Variants in ZNF493 observed in about 807,000 individuals in gnomAD.
ZNF493 encodes the protein zinc finger protein 493.
In ZNF493, 11 loss-of-function variants were observed where a neutral mutation model predicts 12.2. The ratio of observed to expected loss-of-function variants is 0.90; its 90% CI spans 0.57 to 1.50. ZNF493 has a LOEUF of 1.50. Among genes scored for constraint, ZNF493 ranks in the 40% most tolerant of loss-of-function variants. The pLI is 0.00. For synonymous variants in ZNF493, 286 were observed against 302.6 expected (o/e 0.95, Z 0.57); for missense variants, 950 against 906.6 (o/e 1.05, Z -0.61).
chr19:21,419,934 G>T (rs189218012), intron 3 of ZNF493, among the ~76,000 whole-genome samples: 1 of 152,104 alleles, frequency 6.6e-6, no homozygotes, highest in African/African-American at 2.4e-5. Context: ...ACCCCCACAT[G>T]ATTCTGACCC....
chr19:21,408,749 C>A (rs1034003510), intron 3 of ZNF493: 1 of 984,652 alleles, frequency 1.0e-6, no homozygotes, highest in East Asian at 1.1e-4. Context: ...TGTCTGTATA[C>A]TTTATGTCAA....
In ZNF493 at chr19:21,410,912, C is replaced by A. The variant is rs531311673; in HGVS notation, c.253+5056C>A. ...AGTTCAAGCAGTTCTCCTCCCTCAG[C>A]CTCCCAAGTAGCTGGGATTACAGGC... On this transcript the variant is annotated intron_variant, in intron 3 of 3. Coordinates refer to ENST00000392288, the MANE Select transcript of ZNF493 (RefSeq NM_001076678.3). 1.2e-4 allele frequency among the ~76,000 whole-genome samples: 18 copies of A among 152,210 alleles called. No homozygotes were observed. In the East Asian group the frequency reaches 3.5e-3, roughly 29 times the overall value.
chr19:21,424,615 T>G lies in ZNF493; in HGVS notation c.1956T>G (p.Ser652Arg), dbSNP rs757468089. 1.1e-5 allele frequency: 18 copies of G among 1,607,690 alleles called. No homozygotes were observed. The highest frequency in any genetic ancestry group is 1.7e-5 in the Admixed American group (1 of 59,182). Residue 652 changes from serine to arginine, a missense_variant, in exon 4 of 4, where the codon AGT becomes AGG. Coordinates refer to ENST00000392288, the MANE Select transcript of ZNF493 (RefSeq NM_001076678.3). The stretch of plus-strand genomic sequence containing the variant: ...TCGCTGGGCACAAGCAAATTCATAG[T>G]GTACAAAAACCCTACAAATGTGAAG... ...SHLAGHKQIHSVQKPYKCEEC... is the reference protein window; with the variant it reads ...SHLAGHKQIHRVQKPYKCEEC...
chr19:21,422,797 G>A, intron 3 of ZNF493, 116 bp from the exon 4 acceptor site: 2 of 857,146 alleles, frequency 2.3e-6, no homozygotes, highest in Admixed American at 6.7e-5. Context: ...AGAGCCTTTG[G>A]TATTTTGCTA....
chr19:21,420,615 ATATATATATTTTTTTTTTTTTT>A (rs2030638284), intron 3 of ZNF493, among the ~76,000 whole-genome samples: 1 of 13,388 alleles, frequency 7.5e-5, no homozygotes, highest in African/African-American at 3.9e-4. Flanking sequence ...ATATATATAT[ATATATATATTTTTTTTTTTTTT>A]TTTTTTTTTT....
At chr19:21,422,643 C>T (rs1322847106) in intron 3 of ZNF493, among the ~76,000 whole-genome samples, 1 of 151,718 alleles carries the variant, frequency 6.6e-6, no homozygotes, top group Non-Finnish European at 1.5e-5. Context: ...GCAGGAATAG[C>T]CATGTTGGGT....
At chr19:21,420,588 TGA>T (rs2030627468) in intron 3 of ZNF493, among the ~76,000 whole-genome samples, 11 of 77,672 alleles carry the variant, frequency 1.4e-4, no homozygotes, top group African/African-American at 6.3e-4. Context: ...TATACTCACT[TGA>T]TTATATATAT....
intron 3 of ZNF493, chr19:21,407,962 G>C (rs564958652): frequency 1.0e-6 from 1 of 985,220 alleles, no homozygotes; most frequent in East Asian, 1.1e-4. Context: ...AGGAGGTAAA[G>C]ATCTTCTTTT....
chr19:21,411,438 G>T (rs2030323211), intron 3 of ZNF493, among the ~76,000 whole-genome samples: 1 of 152,100 alleles, frequency 6.6e-6, no homozygotes, highest in Non-Finnish European at 1.5e-5. Flanking sequence ...ATGTTAAGCA[G>T]GTTGGGTGCG....
In ZNF493 at chr19:21,423,645, C is replaced by G. The variant is rs1207850742; in HGVS notation, c.986C>G (p.Ala329Gly). The G allele has an allele frequency of 5.0e-6, 8 of 1,610,744 alleles. No individual in the cohort carries two copies. The African/African-American group carries it at 9.6e-5, about 19-fold the overall frequency. The change falls in exon 4 of 4, where the codon GCC becomes GGC. Residue 329 changes from alanine to glycine, a missense_variant. Transcript: ENST00000392288. Reference sequence around the variant, plus strand: ...TATAAATGTGAAGAATGTGGCAAAGCCTTTAGTATTTTCTCAACCCCTACT... The same window carrying G: ...TATAAATGTGAAGAATGTGGCAAAGGCTTTAGTATTTTCTCAACCCCTACT... ...KPYKCEECGKAFSIFSTPTKH... is the reference protein window; with the variant it reads ...KPYKCEECGKGFSIFSTPTKH...
chr19:21,400,952 CTCTT>C (rs2029921080), intron 1 of ZNF493, among the ~76,000 whole-genome samples: 1 of 152,208 alleles, frequency 6.6e-6, no homozygotes, highest in East Asian at 1.9e-4. Flanking sequence ...TTATTTCTCT[CTCTT>C]CCCTGATTGT....
At chr19:21,401,573 G>T (rs1429402793) in intron 1 of ZNF493, among the ~76,000 whole-genome samples, 1 of 151,724 alleles carries the variant, frequency 6.6e-6, no homozygotes, top group Non-Finnish European at 1.5e-5. Flanking sequence ...CTGTAAATTT[G>T]TGTGGTTCTT....
At chr19:21,409,703 C>G (rs917622599) in intron 3 of ZNF493, among the ~76,000 whole-genome samples, 9 of 152,106 alleles carry the variant, frequency 5.9e-5, no homozygotes, top group Admixed American at 5.9e-4. Flanking sequence ...CTTAATTGTG[C>G]CACTTCATGT....
At chr19:21,416,881 C>A (rs1453859194) in intron 3 of ZNF493, among the ~76,000 whole-genome samples, 1 of 152,188 alleles carries the variant, frequency 6.6e-6, no homozygotes, top group Non-Finnish European at 1.5e-5. Flanking sequence ...CTAGAGCTAA[C>A]TCCTATTGTC....
At chr19:21,405,457 C>A (rs571494013) in intron 2 of ZNF493, 3 of 1,395,500 alleles carry the variant, frequency 2.1e-6, no homozygotes, top group East Asian at 2.7e-5. Context: ...CATTTCTGAG[C>A]CGGTCTGTAT....
chr19:21,420,754 T>A (rs1439176763), intron 3 of ZNF493, among the ~76,000 whole-genome samples: 5 of 14,910 alleles, frequency 3.4e-4, no homozygotes, highest in East Asian at 3.4e-3. Flanking sequence ...AAATAACACT[T>A]TTTTTTTTTT....
rs150105500 is a variant in ZNF493, at chr19:21,423,871, C to A, written c.1212C>A (p.Ser404=). 2 of 1,613,134 alleles carry A rather than the reference C, an allele frequency of 1.2e-6. No individual in the cohort carries two copies. The highest frequency in any genetic ancestry group is 1.7e-5 in the Admixed American group (1 of 59,948). ...KHKIIHTEEK[S]HRCEECGKAY... ...AGATAATTCACACTGAAGAGAAATC[C>A]CACAGATGTGAAGAATGTGGCAAAG... Residue 404 remains serine, a synonymous_variant, in exon 4 of 4, where the codon TCC becomes TCA. Coordinates refer to ENST00000392288, the MANE Select transcript of ZNF493 (RefSeq NM_001076678.3).
intron 3 of ZNF493, among the ~76,000 whole-genome samples, chr19:21,409,039 C>G (rs1362231361): frequency 6.6e-6 from 1 of 151,830 alleles, no homozygotes; most frequent in Non-Finnish European, 1.5e-5. Flanking sequence ...CGCCTGCAAC[C>G]ACGCCTGGCT....
At position 21,424,100 on chromosome 19, in the gene ZNF493, A is replaced by T. The variant is rs1285496526; in HGVS notation, c.1441A>T (p.Ile481Leu). The T allele has an allele frequency of 1.1e-5, 17 of 1,612,716 alleles. No individual in the cohort carries two copies. Among genetic ancestry groups the T allele is most frequent in the African/African-American group, 4.0e-5 (3 of 74,918 alleles). The change falls in exon 4 of 4, where the codon ATA (isoleucine) becomes TTA (leucine). Residue 481 changes from isoleucine to leucine, a missense_variant. By Grantham distance (5) the Ile-to-Leu change is conservative. Coordinates refer to ENST00000392288, the MANE Select transcript of ZNF493 (RefSeq NM_001076678.3). ...KRSSTLTKHR[I>L]IHTEEKPYKC... ...ATCTTCAACCCTTACTAAACATAGG[A>T]TAATTCATACTGAAGAGAAACCCTA...
Sources: gnomAD v4.1 joint callset for allele counts (sites outside exome capture counted in the v4.1 genomes callset) on GRCh38, gnomAD v4.1.1 for gene constraint, MANE v1.5 for transcripts, NCBI Gene and HGNC (gene_info 2026-07-23, HGNC 2026-07-21) for gene names.